Variants in RABGAP1L observed in about 807,000 individuals in gnomAD.
RABGAP1L encodes rab GTPase-activating protein 1-like.
RABGAP1L carries 63 observed loss-of-function variants against 137.7 expected under a neutral mutation model. The ratio of observed to expected loss-of-function variants is 0.46; its 90% CI spans 0.37 to 0.56. The LOEUF is 0.56. RABGAP1L is among the 20% of genes least tolerant of loss of function. The pLI is 0.00. For missense variants in RABGAP1L, 1,095 were observed against 1,244.0 expected, an observed-to-expected ratio of 0.88 and a Z score of 1.80; for synonymous variants, 431 against 433.7, an observed-to-expected ratio of 0.99 and a Z score of 0.08.
At chr1:174,665,264 C>G (rs1197851306) in intron 14 of RABGAP1L, among the ~76,000 whole-genome samples, 4 of 152,144 alleles carry the variant, frequency 2.6e-5, no homozygotes, top group Admixed American at 2.6e-4. Flanking sequence ...CTAACTGGAA[C>G]AAATTATTTA....
At chr1:174,630,244 A>G (rs1673248336) in intron 13 of RABGAP1L, among the ~76,000 whole-genome samples, 3 of 138,150 alleles carry the variant, frequency 2.2e-5, no homozygotes. Context: ...GATGAAGCCC[A>G]CTTGATCATG....
rs1456113166 is a variant in RABGAP1L, at chr1:174,543,296, T to A, written c.1711-94079T>A. Among the ~76,000 whole-genome samples the A allele has an allele frequency of 3.3e-5, 5 of 152,226 alleles. No individual in the cohort carries two copies. In the East Asian group the frequency reaches 9.6e-4, roughly 29 times the overall value. ...GATGCTTCTGTATTGGGTGCATATA[T>A]ATTTAGGATAGTTAGTTCTTCTTGT... is the stretch of plus-strand genomic sequence containing the variant. On this transcript the variant is annotated intron_variant, in intron 13 of 25. Coordinates refer to ENST00000681986, the MANE Select transcript of RABGAP1L (RefSeq NM_001366446.1).
At chr1:174,957,609 G>A in intron 20 of RABGAP1L, 60 bp downstream of exon 20, 1 of 1,412,662 alleles carries the variant, frequency 7.1e-7, no homozygotes, top group South Asian at 1.2e-5. Context: ...ATGAGACTGA[G>A]TCTTGCCGTG....
At chr1:174,319,080 C>CTTTTATACTTTCAGATCAGTATG (rs879922668) in intron 11 of RABGAP1L, among the ~76,000 whole-genome samples, 5 of 151,900 alleles carry the variant, frequency 3.3e-5, no homozygotes, top group African/African-American at 1.2e-4. Context: ...TTTTCAGTAA[C>CTTTTATACTTTCAGATCAGTATG]TTTTATACTT....
chr1:174,328,009 A>ACG (rs1680690392), intron 11 of RABGAP1L, among the ~76,000 whole-genome samples: 1 of 128,892 alleles, frequency 7.8e-6, no homozygotes, highest in Non-Finnish European at 1.6e-5. Flanking sequence ...ATATATATAT[A>ACG]TATATATATA....
At chr1:174,451,333 C>T (rs1360125768) in intron 13 of RABGAP1L, among the ~76,000 whole-genome samples, 2 of 152,118 alleles carry the variant, frequency 1.3e-5, no homozygotes, top group Admixed American at 1.3e-4. Context: ...TTAGAAAGGA[C>T]CCAGTGGATT....
At chr1:174,712,757 G>A (rs1477989029) in intron 17 of RABGAP1L, among the ~76,000 whole-genome samples, 1 of 152,148 alleles carries the variant, frequency 6.6e-6, no homozygotes, top group Non-Finnish European at 1.5e-5. Flanking sequence ...GCACCCCGTG[G>A]TTGGTGTTTA....
At chr1:174,625,995 A>C (rs1193232141) in intron 13 of RABGAP1L, among the ~76,000 whole-genome samples, 1 of 152,242 alleles carries the variant, frequency 6.6e-6, no homozygotes. Flanking sequence ...AAGATAATGC[A>C]AAATGAGAAA....
intron 13 of RABGAP1L, among the ~76,000 whole-genome samples, chr1:174,450,743 A>G (rs116636452): frequency 0.022 from 3,408 of 152,296 alleles, 59 homozygotes; most frequent in Middle Eastern, 0.088. Context: ...TCTAAGTATT[A>G]CTTTTTTACC....
At chr1:174,214,958 A>T (rs932855707) in intron 1 of RABGAP1L, among the ~76,000 whole-genome samples, 1 of 152,226 alleles carries the variant, frequency 6.6e-6, no homozygotes, top group African/African-American at 2.4e-5. Context: ...CCCTAAAAGC[A>T]TGGGCAAAAA....
chr1:174,238,158 A>G (rs1207535453), intron 4 of RABGAP1L, among the ~76,000 whole-genome samples: 1 of 151,930 alleles, frequency 6.6e-6, no homozygotes, highest in African/African-American at 2.4e-5. Context: ...TGGTTATTCT[A>G]GTTATACATT....
chr1:174,388,565 C>A (rs559350562), intron 12 of RABGAP1L, among the ~76,000 whole-genome samples: 1 of 151,964 alleles, frequency 6.6e-6, no homozygotes, highest in Admixed American at 6.5e-5. Context: ...AGCAAGATTT[C>A]TTTTATATGT....
At chr1:174,813,624 C>T (rs1246434379) in intron 19 of RABGAP1L, among the ~76,000 whole-genome samples, 1 of 152,224 alleles carries the variant, frequency 6.6e-6, no homozygotes, top group Non-Finnish European at 1.5e-5. Flanking sequence ...TCAAAGAGAT[C>T]ATTTTCCAAA....
intron 19 of RABGAP1L, among the ~76,000 whole-genome samples, chr1:174,842,333 T>G (rs1693505362): frequency 6.6e-6 from 1 of 152,156 alleles, no homozygotes; most frequent in South Asian, 2.1e-4. Context: ...TACACACATT[T>G]TCCCTCTCCT....
intron 13 of RABGAP1L, among the ~76,000 whole-genome samples, chr1:174,441,862 A>G (rs1654198380): frequency 6.7e-6 from 1 of 148,296 alleles, no homozygotes; most frequent in South Asian, 2.1e-4. Flanking sequence ...AAGTTGGTGG[A>G]AAGAAAGAGG....
chr1:174,736,804 A>G (rs1572977348), intron 17 of RABGAP1L, among the ~76,000 whole-genome samples: 1 of 152,128 alleles, frequency 6.6e-6, no homozygotes, highest in South Asian at 2.1e-4. Flanking sequence ...TATGGCTTGC[A>G]CCCTCTGGAG....
At chr1:174,173,005 A>G (rs1665537415) in intron 1 of RABGAP1L, among the ~76,000 whole-genome samples, 1 of 152,014 alleles carries the variant, frequency 6.6e-6, no homozygotes, top group South Asian at 2.1e-4. Flanking sequence ...ATTAGTGTTT[A>G]CTTCTTTAAG....
chr1:174,589,791 A>G (rs1462326802), intron 13 of RABGAP1L, among the ~76,000 whole-genome samples: 2 of 151,986 alleles, frequency 1.3e-5, no homozygotes, highest in Non-Finnish European at 2.9e-5. Context: ...TTACTTCTGG[A>G]TTCTTTATTC....
chr1:174,254,672 C>CT lies in RABGAP1L; in HGVS notation c.986+2088dup, dbSNP rs1224528333. On this transcript the variant is annotated intron_variant, in intron 7 of 25. Coordinates refer to ENST00000681986, the MANE Select transcript of RABGAP1L (RefSeq NM_001366446.1). ...TCCCTGCAAAGGACATGAACTCATTCTTTTTTATGGCTGCATAGTATTCCG... is the reference window on the plus strand; with the variant it reads ...TCCCTGCAAAGGACATGAACTCATTCTTTTTTTATGGCTGCATAGTATTCCG... Among the ~76,000 whole-genome samples the CT allele has an allele frequency of 2.0e-5, 3 of 152,110 alleles. No individual in the cohort carries two copies. The East Asian group carries it at 5.8e-4, about 29-fold the overall frequency.
Sources: allele counts gnomAD v4.1 joint callset (sites outside exome capture counted in the v4.1 genomes callset), GRCh38; gene constraint gnomAD v4.1.1; transcripts MANE v1.5; gene names NCBI Gene and HGNC (gene_info 2026-07-23, HGNC 2026-07-21).